Variants in HORMAD1 observed in about 807,000 individuals in gnomAD.
The protein encoded by HORMAD1 is HORMA domain-containing protein 1.
HORMAD1 carries 33 observed loss-of-function variants against 58.2 expected under a neutral mutation model. The ratio of observed to expected loss-of-function variants is 0.57; its 90% CI spans 0.43 to 0.76. The LOEUF is 0.76. HORMAD1 is among the 30% of genes least tolerant of loss of function. The probability of loss-of-function intolerance (pLI) is 0.00; values close to 1 mark genes in which losing one functional copy is unlikely to be tolerated. For synonymous variants in HORMAD1, 137 were observed against 144.6 expected, an observed-to-expected ratio of 0.95 and a Z score of 0.38; for missense variants, 363 against 462.0, an observed-to-expected ratio of 0.79 and a Z score of 1.96.
At chr1:150,711,036 C>A (rs6694531) in intron 7 of HORMAD1, among the ~76,000 whole-genome samples, 59,517 of 151,906 alleles carry the variant, frequency 0.39, 13,338 homozygotes, top group Non-Finnish European at 0.5. Flanking sequence ...CACATAAAGC[C>A]CCAAAGAACA....
In HORMAD1 at chr1:150,708,263, A is replaced by G. The variant is rs1438627229; in HGVS notation, c.540T>C (p.Tyr180=). The change falls in exon 9 of 15, where the codon TAT becomes TAC. Residue 180 remains tyrosine, a synonymous_variant. Transcript: ENST00000361824. ...DVCLTMKLFY[Y]DEVTPPDYQP... is the part of the protein sequence containing the mutation. ...ATGTATTGCAAATAGTACCTTCATC[A>G]TAGTAAAAAAGTTTCATGGTCAAAC... is the stretch of plus-strand genomic sequence containing the variant. 1.2e-6 allele frequency: 2 copies of G among 1,601,656 alleles called. No homozygotes were observed. The highest frequency in any genetic ancestry group is 3.4e-5 in the Admixed American group (2 of 58,140).
chr1:150,707,694 G>A (rs1029118699), intron 9 of HORMAD1, among the ~76,000 whole-genome samples: 1 of 152,196 alleles, frequency 6.6e-6, no homozygotes, highest in African/African-American at 2.4e-5. Flanking sequence ...CCAGTACTTT[G>A]GGAGGCCAAA....
rs781552116 is a variant in HORMAD1, at chr1:150,703,294, C to T, written c.1032+16G>A. 1.9e-5 allele frequency: 26 copies of T among 1,346,274 alleles called. No individual in the cohort carries two copies. Among genetic ancestry groups the T allele is most frequent in the Non-Finnish European group, 2.6e-5 (25 of 955,552 alleles). 83.4% of individuals were successfully genotyped at this position (1,346,274 alleles called of 1,614,324 possible). A position where few individuals can be genotyped will look rare whatever the true frequency, so the allele number is the denominator to read the frequency against. ...TACAAGGTTACAATGGAAAACAAAC[C>T]TAAAGAGATATTTACCATTTTATTC... On this transcript the variant is annotated intron_variant, in intron 13 of 14. Coordinates refer to ENST00000361824, the MANE Select transcript of HORMAD1 (RefSeq NM_032132.5).
intron 7 of HORMAD1, 133 bp downstream of exon 7, chr1:150,711,412 C>G: frequency 1.4e-6 from 1 of 707,658 alleles, no homozygotes; most frequent in South Asian, 2.0e-5. Flanking sequence ...TTATGAAGCT[C>G]AAATGTGAAA....
chr1:150,699,761 T>C (rs1042331026), intron 14 of HORMAD1, among the ~76,000 whole-genome samples: 1 of 151,740 alleles, frequency 6.6e-6, no homozygotes, highest in African/African-American at 2.4e-5. Context: ...CTCGATCTCT[T>C]GACCTCGTGA....
intron 14 of HORMAD1, among the ~76,000 whole-genome samples, chr1:150,699,195 A>C (rs1651460397): frequency 6.6e-6 from 1 of 152,326 alleles, no homozygotes; most frequent in Admixed American, 6.5e-5. Context: ...CCTACTAATA[A>C]TACTAAAATA....
chr1:150,704,119 T>G lies in HORMAD1; in HGVS notation c.947A>C (p.Gln316Pro). 6.3e-7 allele frequency: 1 copy of G among 1,577,904 alleles called. No homozygotes were observed. Among genetic ancestry groups the G allele is most frequent in the Non-Finnish European group, 8.6e-7 (1 of 1,162,220 alleles). ...GAGATGAAACTATCAAGTTTATACC[T>G]GAGAATGAGAAATAGAAAGATCTGG... ...ESPDLSISHSQVEQLVNKTSE... is the reference protein window; with the variant it reads ...ESPDLSISHSPVEQLVNKTSE... The change falls in exon 12 of 15, where the codon CAG (glutamine) becomes CCG (proline). Residue 316 changes from glutamine (Q) to proline (P), a missense_variant and splice_region_variant. Physicochemically the swap from Gln to Pro is moderately conservative, Grantham distance 76 (BLOSUM62 -1). Around this residue, in one of 3 missense-constraint regions of HORMAD1, gnomAD observed 226 missense variants for 257.8 expected, o/e 0.88. Coordinates refer to ENST00000361824, the MANE Select transcript of HORMAD1 (RefSeq NM_032132.5).
chr1:150,713,528 T>A (rs1317566151), intron 5 of HORMAD1, among the ~76,000 whole-genome samples: 1 of 151,434 alleles, frequency 6.6e-6, no homozygotes, highest in Non-Finnish European at 1.5e-5. Flanking sequence ...AGAGCAAGAC[T>A]CCATCTCAAA....
Position 150,698,387 on chromosome 1 carries a change from T to C in HORMAD1, c.*267A>G, listed in dbSNP as rs1651433747. On this transcript the variant is annotated 3_prime_UTR_variant, in exon 15 of 15. Transcript: ENST00000361824. Reference sequence around the variant, plus strand: ...GTTAGTATATATTTAAAGGAAATATTAAGTAGGTAATGAACAAAATCAATT... The same window carrying C: ...GTTAGTATATATTTAAAGGAAATATCAAGTAGGTAATGAACAAAATCAATT... 1 of 229,664 alleles carries C rather than the reference T, an allele frequency of 4.4e-6. No homozygotes were observed. The highest frequency in any genetic ancestry group is 8.4e-6 in the Non-Finnish European group (1 of 119,394). The allele number at this position is 229,664 out of a possible 1,614,324, so 14.2% of individuals were successfully genotyped here.
In HORMAD1 at chr1:150,715,436, AG is replaced by A. The variant is rs1652039454; in HGVS notation, c.179-759del. ...TCCTCAGGTACCTTAATTGAAAAAC[AG>A]GTATTTGTAAGACTGCTACATGAAT... is the stretch of plus-strand genomic sequence containing the variant. On this transcript the variant is annotated intron_variant, in intron 3 of 14. Transcript: ENST00000361824. Among the ~76,000 whole-genome samples the A allele has an allele frequency of 3.3e-5, 5 of 152,310 alleles. No homozygotes were observed. In the South Asian group the frequency reaches 1.0e-3, roughly 32 times the overall value.
chr1:150,705,939 A>G (rs944926721), intron 10 of HORMAD1, among the ~76,000 whole-genome samples: 9 of 152,234 alleles, frequency 5.9e-5, no homozygotes, highest in African/African-American at 1.9e-4. Context: ...GATTAAAGCA[A>G]TAATGACTTC....
chr1:150,714,548 C>T, intron 4 of HORMAD1, 67 bp downstream of exon 4: 1 of 792,128 alleles, frequency 1.3e-6, no homozygotes, highest in South Asian at 2.6e-5. Context: ...CCAAAGGTAT[C>T]CAAGGTACAA....
rs759931397 is a variant in HORMAD1 at position 150,706,739 on chromosome 1, T to C, written c.618A>G (p.Glu206=). Residue 206 remains glutamate (E), a synonymous_variant, in exon 10 of 15, where the codon GAA becomes GAG. Transcript: ENST00000361824. ...CTTCTCCCACATTTAAATACATAGG[T>C]TCCCCTTCAAATATAACTCCTTCAC... The part of the protein sequence containing the change: ...GDCEGVIFEG[E]PMYLNVGEVS... 2 of 1,613,548 alleles carry C rather than the reference T, an allele frequency of 1.2e-6. No homozygotes were observed. Among genetic ancestry groups the C allele is most frequent in the South Asian group, 1.1e-5 (1 of 91,062 alleles).
At chr1:150,700,838 AT>A (rs1343073378) in intron 13 of HORMAD1, among the ~76,000 whole-genome samples, 19 of 152,076 alleles carry the variant, frequency 1.2e-4, no homozygotes, top group African/African-American at 4.6e-4. Flanking sequence ...AATATACCAC[AT>A]TTTTTAATCC....
chr1:150,714,405 A>G (rs943707519), intron 4 of HORMAD1, among the ~76,000 whole-genome samples: 18 of 152,134 alleles, frequency 1.2e-4, no homozygotes, highest in Non-Finnish European at 1.9e-4. Flanking sequence ...CAAAATAAAG[A>G]AACATTTATT....
intron 3 of HORMAD1, among the ~76,000 whole-genome samples, chr1:150,716,816 A>G (rs1236529601): frequency 1.3e-5 from 2 of 151,574 alleles, no homozygotes; most frequent in Non-Finnish European, 2.9e-5. Context: ...ACAAAAAATT[A>G]GCCGGGCGTG....
chr1:150,704,476 T>C (rs1651629914), intron 10 of HORMAD1, 133 bp from the exon 11 acceptor site: 7 of 626,078 alleles, frequency 1.1e-5, no homozygotes, highest in Non-Finnish European at 1.6e-5. Flanking sequence ...CCGGGCATGG[T>C]GGCTCATGCT....
chr1:150,705,095 C>T (rs1350515877), intron 10 of HORMAD1, among the ~76,000 whole-genome samples: 1 of 152,034 alleles, frequency 6.6e-6, no homozygotes, highest in African/African-American at 2.4e-5. Context: ...CCCCAAAAAC[C>T]TACAACTACC....
At chr1:150,716,505 A>T (rs1290639533) in intron 3 of HORMAD1, among the ~76,000 whole-genome samples, 1 of 151,904 alleles carries the variant, frequency 6.6e-6, no homozygotes, top group Non-Finnish European at 1.5e-5. Context: ...TGTCCAGAGT[A>T]AGTAAATCTG....
Sources: allele counts gnomAD v4.1 joint callset (sites outside exome capture counted in the v4.1 genomes callset), GRCh38; gene constraint gnomAD v4.1.1; regional missense constraint gnomAD v4.1.1; transcripts MANE v1.5; gene names NCBI Gene and HGNC (gene_info 2026-07-23, HGNC 2026-07-21).